SETBP1: variants seen among roughly 807,000 people sequenced by gnomAD.
SETBP1 encodes the protein SET binding protein 1, also known as SET-binding protein.
A neutral mutation model predicts 101.0 loss-of-function variants in SETBP1; 9 were observed. The observed-to-expected ratio is 0.09, with a 90% confidence interval of 0.05 to 0.16. The LOEUF is 0.16. Ranked by LOEUF, SETBP1 falls within the 10% of genes least tolerant of loss-of-function variation. SETBP1 has a pLI of 1.00. For missense variants in SETBP1, 1,858 were observed against 2,033.8 expected, an observed-to-expected ratio of 0.91 and a Z score of 1.66; for synonymous variants, 818 against 788.5, an observed-to-expected ratio of 1.04 and a Z score of -0.63.
intron 3 of SETBP1, among the ~76,000 whole-genome samples, chr18:44,940,789 A>G (rs1487094824): frequency 1.3e-5 from 2 of 152,152 alleles, no homozygotes; most frequent in Admixed American, 6.5e-5. Context: ...GTATACACCA[A>G]TATATTTACT....
chr18:44,788,290 G>A (rs1568145015), intron 2 of SETBP1, among the ~76,000 whole-genome samples: 1 of 152,154 alleles, frequency 6.6e-6, no homozygotes, highest in Non-Finnish European at 1.5e-5. Flanking sequence ...GGGGTAGAGA[G>A]GGAAGGTATA....
rs773663228 is a variant in SETBP1, at chr18:44,953,062, A to G, written c.3722A>G (p.His1241Arg). The G allele has an allele frequency of 1.4e-5, 23 of 1,614,126 alleles. No individual in the cohort carries two copies. The highest frequency in any genetic ancestry group is 1.9e-5 in the Non-Finnish European group (22 of 1,180,050). ...LSTLSLSDAQHWTQAKEKGDL... is the reference protein window; with the variant it reads ...LSTLSLSDAQRWTQAKEKGDL... ...ACACTGTCACTTTCCGACGCCCAGCATTGGACACAGGCCAAGGAAAAAGGA... is the reference window on the plus strand; with the variant it reads ...ACACTGTCACTTTCCGACGCCCAGCGTTGGACACAGGCCAAGGAAAAAGGA... The change falls in exon 4 of 6, where the codon CAT (histidine) becomes CGT (arginine). Residue 1241 changes from histidine to arginine, a missense_variant. By Grantham distance (29) the His-to-Arg change is conservative (BLOSUM62 0). Coordinates refer to ENST00000649279, the MANE Select transcript of SETBP1 (RefSeq NM_015559.3).
intron 2 of SETBP1, among the ~76,000 whole-genome samples, chr18:44,714,938 TA>T (rs2069430054): frequency 6.6e-6 from 1 of 152,142 alleles, no homozygotes; most frequent in Non-Finnish European, 1.5e-5. Context: ...GCTCTTCGTA[TA>T]GTTAAGCAAA....
intron 4 of SETBP1, among the ~76,000 whole-genome samples, chr18:45,003,613 A>G (rs1050186301): frequency 6.6e-6 from 1 of 151,778 alleles, no homozygotes; most frequent in African/African-American, 2.4e-5. Context: ...TAGCCAAACC[A>G]TCCTCATATG....
At chr18:44,930,762 T>C (rs2070813350) in intron 3 of SETBP1, among the ~76,000 whole-genome samples, 2 of 152,218 alleles carry the variant, frequency 1.3e-5, no homozygotes, top group East Asian at 3.8e-4. Context: ...AGTTTGTAAT[T>C]CTGTGGGATT....
rs1326190933 is a variant in SETBP1 at position 45,010,132 on chromosome 18, CATCTGCTTCT to C, written c.4001-28349_4001-28340del. ...TCTCCTGCACTGCAGGCCCCATCTC[CATCTGCTTCT>C]ATCCCACCCCACGAAGCTTGTTTTG... On this transcript the variant is annotated intron_variant, in intron 4 of 5. Coordinates refer to ENST00000649279, the MANE Select transcript of SETBP1 (RefSeq NM_015559.3). Among the ~76,000 whole-genome samples, 8 of 152,346 alleles carry C rather than the reference CATCTGCTTCT, an allele frequency of 5.3e-5. No individual in the cohort carries two copies. The East Asian group carries it at 7.7e-4, about 15-fold the overall frequency.
rs61649185 is a variant in SETBP1, at chr18:44,773,838, A to ATGTGTGTGTGTGTGTGTGTGTG, written c.486+72018_486+72039dup. Among the ~76,000 whole-genome samples the ATGTGTGTGTGTGTGTGTGTGTG allele has an allele frequency of 1.7e-3, 222 of 134,268 alleles. 2 individuals are homozygous for ATGTGTGTGTGTGTGTGTGTGTG. The highest frequency in any genetic ancestry group is 3.9e-3 in the Admixed American group (51 of 12,996). 88.1% of individuals were successfully genotyped at this position (134,268 alleles called of 152,430 possible). On this transcript the variant is annotated intron_variant, in intron 2 of 5. Coordinates refer to ENST00000649279, the MANE Select transcript of SETBP1 (RefSeq NM_015559.3). ...TCTCTCTCTCTGTCTCTCTCTGTTT[A>ATGTGTGTGTGTGTGTGTGTGTG]TGTGTGTGTGTGTGTGTGTGTGTGT...
intron 4 of SETBP1, among the ~76,000 whole-genome samples, chr18:45,032,697 T>A (rs1435609529): frequency 6.6e-6 from 1 of 152,158 alleles, no homozygotes; most frequent in Non-Finnish European, 1.5e-5. Flanking sequence ...ACCCTGGGGT[T>A]CACGTGCACA....
intron 1 of SETBP1, among the ~76,000 whole-genome samples, chr18:44,687,513 G>T (rs1449550333): frequency 1.3e-5 from 2 of 152,178 alleles, no homozygotes; most frequent in Admixed American, 1.3e-4. Flanking sequence ...AGTCTTGGAG[G>T]ACAGGGAAGG....
At chr18:44,745,568 G>C (rs751392973) in intron 2 of SETBP1, among the ~76,000 whole-genome samples, 10 of 152,230 alleles carry the variant, frequency 6.6e-5, no homozygotes, top group Non-Finnish European at 1.2e-4. Flanking sequence ...AAATAGAAAA[G>C]AGAGTGTCCT....
At chr18:44,790,036 A>T (rs2071338218) in intron 2 of SETBP1, among the ~76,000 whole-genome samples, 1 of 151,964 alleles carries the variant, frequency 6.6e-6, no homozygotes. Flanking sequence ...CCATCATAAG[A>T]TTTTTCTCAC....
At chr18:45,045,681 A>G (rs2073597943) in intron 5 of SETBP1, among the ~76,000 whole-genome samples, 1 of 152,098 alleles carries the variant, frequency 6.6e-6, no homozygotes, top group Non-Finnish European at 1.5e-5. Flanking sequence ...TGCTCCACTC[A>G]CCAGCTAGGT....
intron 4 of SETBP1, chr18:44,970,222 G>T (rs926016908): frequency 1.3e-5 from 2 of 154,738 alleles, no homozygotes; most frequent in Non-Finnish European, 2.9e-5. Flanking sequence ...AAGGAAATGG[G>T]AAAAGAAAGA....
intron 2 of SETBP1, among the ~76,000 whole-genome samples, chr18:44,764,475 TTTC>T (rs797003254): frequency 2.4e-4 from 37 of 152,048 alleles, no homozygotes; most frequent in Admixed American, 6.5e-4. Flanking sequence ...GTTCTTCTTC[TTTC>T]TTCTTCTTCT....
chr18:45,044,267 A>C (rs2145519729), intron 5 of SETBP1, among the ~76,000 whole-genome samples: 1 of 152,274 alleles, frequency 6.6e-6, no homozygotes, highest in South Asian at 2.1e-4. Flanking sequence ...TTAGTAGAAA[A>C]CCTCCCAAAG....
At position 45,063,638 on chromosome 18, in the gene SETBP1, G is replaced by A. The variant is rs773705878; in HGVS notation, c.4731G>A (p.Glu1577=). ...CGCAGCAGCCCCTTCCCCAGGAAGA[G>A]GAGGTGAAAGCCAAAAGGCAGAGGA... The part of the protein sequence containing the change: ...SPPQQPLPQE[E]EVKAKRQRKS... The change falls in exon 6 of 6, where the codon GAG becomes GAA. Residue 1577 remains glutamate (E), a synonymous_variant. Transcript: ENST00000649279. The A allele has an allele frequency of 2.5e-6, 4 of 1,606,790 alleles. No homozygotes were observed. Among genetic ancestry groups the A allele is most frequent in the Non-Finnish European group, 2.5e-6 (3 of 1,177,242 alleles).
chr18:45,044,703 C>T (rs1599488479), intron 5 of SETBP1, among the ~76,000 whole-genome samples: 1 of 152,186 alleles, frequency 6.6e-6, no homozygotes, highest in South Asian at 2.1e-4. Flanking sequence ...CAAATTTCAA[C>T]TCCTTTGGGA....
intron 5 of SETBP1, among the ~76,000 whole-genome samples, chr18:45,057,799 T>TA (rs2145575584): frequency 6.6e-6 from 1 of 152,344 alleles, no homozygotes; most frequent in East Asian, 1.9e-4. Flanking sequence ...ATGTGTCTTG[T>TA]ACATGGGCAA....
intron 3 of SETBP1, among the ~76,000 whole-genome samples, chr18:44,925,768 T>C (rs1255960856): frequency 2.0e-5 from 3 of 152,292 alleles, no homozygotes; most frequent in Admixed American, 2.0e-4. Flanking sequence ...CCTCCATTTA[T>C]ATAGTTTTTT....
Sources: allele counts gnomAD v4.1 joint callset (sites outside exome capture counted in the v4.1 genomes callset), GRCh38; gene constraint gnomAD v4.1.1; transcripts MANE v1.5; gene names NCBI Gene and HGNC (gene_info 2026-07-23, HGNC 2026-07-21).